DPYD: variants seen among roughly 807,000 people sequenced by gnomAD.
The protein encoded by DPYD is dihydropyrimidine dehydrogenase.
Under a neutral mutation model 116.2 loss-of-function variants are expected in DPYD, and 109 were observed. The ratio of observed to expected loss-of-function variants is 0.94; its 90% CI spans 0.80 to 1.10. DPYD has a LOEUF of 1.10. Ranked by LOEUF, DPYD falls within the 50% of genes least tolerant of loss-of-function variation. DPYD has a pLI of 0.00. For missense variants in DPYD, 1,302 were observed against 1,254.5 expected, an observed-to-expected ratio of 1.04 and a Z score of -0.57; for synonymous variants, 440 against 432.0, an observed-to-expected ratio of 1.02 and a Z score of -0.23.
At chr1:97,665,996 C>A (rs1659536364) in intron 8 of DPYD, among the ~76,000 whole-genome samples, 1 of 152,064 alleles carries the variant, frequency 6.6e-6, no homozygotes, top group South Asian at 2.1e-4. Flanking sequence ...GAAGTCCTAG[C>A]CTAGAGGCTA....
intron 20 of DPYD, among the ~76,000 whole-genome samples, chr1:97,173,321 T>TGTAC: frequency 7.0e-6 from 1 of 143,718 alleles, no homozygotes; most frequent in Non-Finnish European, 1.5e-5. Context: ...TGCACACATA[T>TGTAC]ATACACATAT....
intron 13 of DPYD, among the ~76,000 whole-genome samples, chr1:97,485,976 T>C (rs1057078132): frequency 6.6e-6 from 1 of 152,168 alleles, no homozygotes; most frequent in Non-Finnish European, 1.5e-5. Flanking sequence ...TGACATGGAA[T>C]AGAGATTGGG....
At chr1:97,722,452 T>C (rs983134807) in intron 4 of DPYD, among the ~76,000 whole-genome samples, 2 of 151,602 alleles carry the variant, frequency 1.3e-5, no homozygotes, top group African/African-American at 4.8e-5. Flanking sequence ...AAATGTACCA[T>C]ACTAATGTAG....
chr1:97,524,008 A>G lies in DPYD; in HGVS notation c.1525-8067T>C, dbSNP rs147075423. ...TTTTATCACAATTTAACCATGAATAATTATTTTAAACTAAAAAAAAAAAGT... is the reference window on the plus strand; with the variant it reads ...TTTTATCACAATTTAACCATGAATAGTTATTTTAAACTAAAAAAAAAAAGT... On this transcript the variant is annotated intron_variant, in intron 12 of 22. Transcript: ENST00000370192. Among the ~76,000 whole-genome samples the G allele has an allele frequency of 4.9e-4, 75 of 152,082 alleles. 1 individual carries two copies. Among genetic ancestry groups the G allele is most frequent in the African/African-American group, 1.5e-3 (62 of 41,398 alleles).
At chr1:97,113,630 G>T (rs1651760316) in intron 20 of DPYD, among the ~76,000 whole-genome samples, 1 of 151,992 alleles carries the variant, frequency 6.6e-6, no homozygotes, top group Non-Finnish European at 1.5e-5. Context: ...TTTGGAGATG[G>T]TATATGTTGA....
In DPYD at chr1:97,082,814, C is replaced by T. The variant is rs969504934; in HGVS notation, c.2767-344G>A. Among the ~76,000 whole-genome samples the T allele has an allele frequency of 5.3e-5, 8 of 152,120 alleles. No individual in the cohort carries two copies. In the East Asian group the frequency reaches 1.5e-3, roughly 29 times the overall value. ...GGCTAACTTTTTCTCATTTTTGGAC[C>T]TTGAAGGACCAAAAGTAATACAAAG... On this transcript the variant is annotated intron_variant, in intron 21 of 22. Coordinates refer to ENST00000370192, the MANE Select transcript of DPYD (RefSeq NM_000110.4).
chr1:97,702,427 A>G (rs1427983793), intron 5 of DPYD, among the ~76,000 whole-genome samples: 1 of 151,864 alleles, frequency 6.6e-6, no homozygotes, highest in Non-Finnish European at 1.5e-5. Context: ...ATTTAGTTGA[A>G]TAATTTTAGC....
chr1:97,570,575 G>A (rs1439200690), intron 11 of DPYD, among the ~76,000 whole-genome samples: 1 of 151,818 alleles, frequency 6.6e-6, no homozygotes, highest in Admixed American at 6.6e-5. Context: ...AGATAACATT[G>A]GTACATTTAA....
chr1:97,790,316 T>C (rs1167832389), intron 3 of DPYD, among the ~76,000 whole-genome samples: 1 of 152,224 alleles, frequency 6.6e-6, no homozygotes, highest in Non-Finnish European at 1.5e-5. Flanking sequence ...AAGAGGTCAC[T>C]TTTCTTGCAT....
chr1:97,437,543 T>C (rs1233354888), intron 14 of DPYD, among the ~76,000 whole-genome samples: 1 of 151,878 alleles, frequency 6.6e-6, no homozygotes, highest in Non-Finnish European at 1.5e-5. Context: ...TGTATAGATA[T>C]ATGTTTTGTT....
chr1:97,359,617 G>A (rs1056949234), intron 16 of DPYD, among the ~76,000 whole-genome samples: 2 of 152,188 alleles, frequency 1.3e-5, no homozygotes, highest in Non-Finnish European at 2.9e-5. Flanking sequence ...TCTCTCAGCA[G>A]AAACTCTACA....
intron 13 of DPYD, among the ~76,000 whole-genome samples, chr1:97,461,109 A>T (rs951797220): frequency 6.6e-6 from 1 of 151,336 alleles, no homozygotes; most frequent in Non-Finnish European, 1.5e-5. Context: ...TACCTGGGAC[A>T]CTTTATCTGC....
intron 19 of DPYD, among the ~76,000 whole-genome samples, chr1:97,206,689 A>ATAT (rs1659654169): frequency 5.8e-5 from 5 of 85,604 alleles, no homozygotes; most frequent in Non-Finnish European, 1.1e-4. Context: ...TATATATATA[A>ATAT]TCTATATGCT....
chr1:97,319,267 C>T (rs1668077840), intron 16 of DPYD, among the ~76,000 whole-genome samples: 2 of 150,544 alleles, frequency 1.3e-5, no homozygotes, highest in Admixed American at 6.6e-5. Flanking sequence ...CACAAAAAAC[C>T]CTTCAAAAAA....
At chr1:97,720,831 G>T in intron 5 of DPYD, 2 of 1,595,638 alleles carry the variant, frequency 1.3e-6, no homozygotes, top group Non-Finnish European at 1.7e-6. Flanking sequence ...TAACCTGCTT[G>T]TTGACTCCAA....
intron 12 of DPYD, among the ~76,000 whole-genome samples, chr1:97,526,344 ACTT>A (rs1475316554): frequency 1.3e-5 from 2 of 152,004 alleles, no homozygotes; most frequent in Non-Finnish European, 2.9e-5. Context: ...GGCTTTCTCT[ACTT>A]CTTTATCCAG....
At chr1:97,400,257 A>C (rs1570670833) in intron 14 of DPYD, among the ~76,000 whole-genome samples, 1 of 152,224 alleles carries the variant, frequency 6.6e-6, no homozygotes, top group Middle Eastern at 3.4e-3. Flanking sequence ...ACGTTTATTC[A>C]TTTGCGTATG....
intron 14 of DPYD, chr1:97,394,467 A>G (rs2101613312): frequency 6.6e-6 from 1 of 152,142 alleles, no homozygotes; most frequent in Non-Finnish European, 1.5e-5. Flanking sequence ...CAGAACACAC[A>G]CAGTATTTAT....
intron 15 of DPYD, among the ~76,000 whole-genome samples, chr1:97,375,431 C>T (rs1671558540): frequency 6.6e-6 from 1 of 152,152 alleles, no homozygotes; most frequent in Non-Finnish European, 1.5e-5. Context: ...AGTGAGTCTG[C>T]TTTTTCTTCT....
Sources: gnomAD v4.1 joint callset for allele counts (sites outside exome capture counted in the v4.1 genomes callset) on GRCh38, gnomAD v4.1.1 for gene constraint, MANE v1.5 for transcripts, NCBI Gene and HGNC (gene_info 2026-07-23, HGNC 2026-07-21) for gene names.